The following CNTLN variants were observed in gnomAD, a reference collection of about 807,000 sequenced individuals.
CNTLN encodes the protein centlein.
In CNTLN, 212 loss-of-function variants were observed where a neutral mutation model predicts 180.0. That is an observed-to-expected ratio of 1.18 (90% CI 1.05 to 1.32). The LOEUF is 1.32. Ranked by LOEUF, CNTLN falls within the 40% of genes most tolerant of loss-of-function variation. The pLI, the probability that CNTLN is intolerant of heterozygous loss-of-function variation, is 0.00. For synonymous variants in CNTLN, 722 were observed against 563.1 expected, an observed-to-expected ratio of 1.28 and a Z score of -3.99; for missense variants, 2,095 against 1,610.9, an observed-to-expected ratio of 1.30 and a Z score of -5.14.
At chr9:17,145,709 C>T (rs564700860) in intron 2 of CNTLN, among the ~76,000 whole-genome samples, 28 of 152,292 alleles carry the variant, frequency 1.8e-4, no homozygotes, top group African/African-American at 6.5e-4. Flanking sequence ...TCTAAACCTA[C>T]TCACGTTTGT....
intron 15 of CNTLN, among the ~76,000 whole-genome samples, chr9:17,407,501 C>A (rs978177998): frequency 1.3e-5 from 2 of 152,068 alleles, no homozygotes; most frequent in African/African-American, 4.8e-5. Context: ...ATCAAGATCC[C>A]CAAAGATCTC....
chr9:17,216,374 T>C (rs1823755100), intron 2 of CNTLN, among the ~76,000 whole-genome samples: 2 of 152,222 alleles, frequency 1.3e-5, no homozygotes, highest in South Asian at 4.1e-4. Flanking sequence ...CTCACTTTCC[T>C]ATTTTCAGTT....
chr9:17,425,079 AC>A (rs915479049), intron 18 of CNTLN, among the ~76,000 whole-genome samples: 1 of 152,158 alleles, frequency 6.6e-6, no homozygotes, highest in African/African-American at 2.4e-5. Context: ...AAACAGAGTA[AC>A]CTTTATCATT....
intron 2 of CNTLN, among the ~76,000 whole-genome samples, chr9:17,225,169 A>G (rs1191677408): frequency 3.3e-5 from 5 of 151,948 alleles, no homozygotes; most frequent in Admixed American, 6.6e-5. Flanking sequence ...AGACTCTAAT[A>G]TAAGCCTTGG....
chr9:17,325,372 GTA>G (rs1563995483), intron 8 of CNTLN, among the ~76,000 whole-genome samples: 3 of 52,636 alleles, frequency 5.7e-5, no homozygotes, highest in Non-Finnish European at 9.9e-5. Context: ...GTGTGCATGT[GTA>G]TGTATGTGTG....
intron 2 of CNTLN, among the ~76,000 whole-genome samples, chr9:17,165,308 T>G (rs1022656729): frequency 6.6e-6 from 1 of 152,160 alleles, no homozygotes; most frequent in Non-Finnish European, 1.5e-5. Context: ...TATCTTTACC[T>G]CCTCCCCAAA....
At chr9:17,512,355 C>A in the CNTLN span, among the ~76,000 whole-genome samples, 9 of 152,196 alleles carry the variant, frequency 5.9e-5, no homozygotes, top group Non-Finnish European at 1.3e-4. Context: ...AGAATGACAT[C>A]ATTTCCTTTG....
intron 18 of CNTLN, among the ~76,000 whole-genome samples, chr9:17,422,578 T>G (rs184256287): frequency 6.6e-6 from 1 of 152,282 alleles, no homozygotes; most frequent in African/African-American, 2.4e-5. Flanking sequence ...TTTCAATATT[T>G]TTGTTAAATA....
intron 7 of CNTLN, chr9:17,298,623 C>A: frequency 1.9e-6 from 2 of 1,064,832 alleles, no homozygotes; most frequent in Non-Finnish European, 2.3e-6. Context: ...CAGACAGCTT[C>A]TGTGAAACAT....
At chr9:17,346,358 C>A (rs139512042) in intron 12 of CNTLN, among the ~76,000 whole-genome samples, 1 of 152,220 alleles carries the variant, frequency 6.6e-6, no homozygotes, top group Non-Finnish European at 1.5e-5. Flanking sequence ...TGAGAACTGC[C>A]CCCGTGATCC....
intron 16 of CNTLN, among the ~76,000 whole-genome samples, chr9:17,409,777 C>A (rs952024047): frequency 3.3e-5 from 5 of 151,988 alleles, no homozygotes; most frequent in African/African-American, 1.2e-4. Context: ...GATGAAACTT[C>A]TTTTTGTATA....
intron 18 of CNTLN, among the ~76,000 whole-genome samples, chr9:17,429,386 T>A (rs1829279182): frequency 6.6e-6 from 1 of 152,070 alleles, no homozygotes; most frequent in African/African-American, 2.4e-5. Context: ...TCGCTACAGC[T>A]GTAATTGTTG....
At chr9:17,170,069 A>G (rs534393979) in intron 2 of CNTLN, among the ~76,000 whole-genome samples, 4 of 152,090 alleles carry the variant, frequency 2.6e-5, no homozygotes, top group East Asian at 3.9e-4. Context: ...TCTTTCATCA[A>G]TGTTTTATAG....
intron 5 of CNTLN, among the ~76,000 whole-genome samples, chr9:17,267,539 G>C (rs935230989): frequency 1.3e-5 from 2 of 151,846 alleles, no homozygotes; most frequent in African/African-American, 4.9e-5. Context: ...TTCTCGAGGA[G>C]TATCTTTGTG....
chr9:17,330,576 AAAT>A, intron 8 of CNTLN, 53 bp from the exon 9 acceptor site: 1 of 938,992 alleles, frequency 1.1e-6, no homozygotes, highest in Non-Finnish European at 1.5e-6. Context: ...ATTTATTTAT[AAAT>A]AATGTAAGAT....
chr9:17,150,299 C>T (rs1007520713), intron 2 of CNTLN, among the ~76,000 whole-genome samples: 2 of 152,140 alleles, frequency 1.3e-5, no homozygotes, highest in African/African-American at 4.8e-5. Context: ...ACGTTTAAGT[C>T]TTTGATCCAT....
At chr9:17,148,756 C>G (rs972529661) in intron 2 of CNTLN, among the ~76,000 whole-genome samples, 20 of 152,196 alleles carry the variant, frequency 1.3e-4, no homozygotes, top group African/African-American at 4.8e-4. Flanking sequence ...TTGTGTGACT[C>G]AAATTTTTTG....
At chr9:17,501,907 T>G (rs1833770877) in intron 25 of CNTLN, among the ~76,000 whole-genome samples, 1 of 152,172 alleles carries the variant, frequency 6.6e-6, no homozygotes, top group Non-Finnish European at 1.5e-5. Flanking sequence ...TACAGGCAAC[T>G]CAGTGAAGCA....
intron 2 of CNTLN, among the ~76,000 whole-genome samples, chr9:17,209,651 C>T (rs1037445431): frequency 6.6e-6 from 1 of 152,056 alleles, no homozygotes; most frequent in African/African-American, 2.4e-5. Flanking sequence ...CCAAATTGAC[C>T]CCTCTCTTAT....
Sources: gnomAD v4.1 joint callset for allele counts (sites outside exome capture counted in the v4.1 genomes callset) on GRCh38, gnomAD v4.1.1 for gene constraint, MANE v1.5 for transcripts, NCBI Gene and HGNC (gene_info 2026-07-23, HGNC 2026-07-21) for gene names.